CSMD1: variants seen among roughly 807,000 people sequenced by gnomAD.
The protein encoded by CSMD1 is CUB and Sushi multiple domains 1, also known as CUB and sushi domain-containing protein 1.
Under a neutral mutation model 417.5 loss-of-function variants are expected in CSMD1, and 213 were observed. The observed-to-expected ratio is 0.51, with a 90% CI of 0.46 to 0.57. The LOEUF (loss-of-function observed/expected upper bound fraction) is 0.57, where lower values mean the gene tolerates loss of function less well. Among genes scored for constraint, CSMD1 ranks in the 20% least tolerant of loss-of-function variants. The pLI is 0.00. For synonymous variants in CSMD1, 2,862 were observed against 1,736.8 expected (o/e 1.65, Z -16.11); for missense variants, 6,923 against 4,529.7 (o/e 1.53, Z -15.17).
intron 3 of CSMD1, among the ~76,000 whole-genome samples, chr8:4,360,704 AGGAT>A (rs1200876441): frequency 6.6e-6 from 1 of 152,062 alleles, no homozygotes; most frequent in Non-Finnish European, 1.5e-5. Context: ...CATCTTAGCC[AGGAT>A]GGTCTCCGAT....
intron 1 of CSMD1, among the ~76,000 whole-genome samples, chr8:4,983,569 C>T (rs1811011335): frequency 6.6e-6 from 1 of 152,120 alleles, no homozygotes; most frequent in Non-Finnish European, 1.5e-5. Context: ...GTCGCCCAGG[C>T]TGGAAGGCAG....
chr8:4,705,649 T>C (rs532774708), intron 1 of CSMD1, among the ~76,000 whole-genome samples: 5 of 152,374 alleles, frequency 3.3e-5, no homozygotes, highest in Non-Finnish European at 7.3e-5. Context: ...GAAGCTCTTC[T>C]TTCCGGCCCT....
chr8:4,574,122 G>T (rs1299575860), intron 2 of CSMD1, among the ~76,000 whole-genome samples: 4 of 152,112 alleles, frequency 2.6e-5, no homozygotes, highest in East Asian at 2.0e-4. Context: ...CCCTTTCCAG[G>T]GGAGTGAACA....
intron 5 of CSMD1, among the ~76,000 whole-genome samples, chr8:3,844,507 G>A (rs942510699): frequency 2.1e-4 from 32 of 152,206 alleles, no homozygotes; most frequent in Middle Eastern, 6.8e-3. Flanking sequence ...GTGACTAACC[G>A]TAACTTCATC....
chr8:3,241,054 T>A (rs1363741450), intron 26 of CSMD1, among the ~76,000 whole-genome samples: 1 of 148,544 alleles, frequency 6.7e-6, no homozygotes, highest in South Asian at 2.2e-4. Flanking sequence ...ATCTCATACT[T>A]GTGGGTTAAG....
intron 9 of CSMD1, among the ~76,000 whole-genome samples, chr8:3,579,048 A>T (rs1019984676): frequency 3.9e-5 from 6 of 152,248 alleles, no homozygotes; most frequent in Non-Finnish European, 1.5e-5. Flanking sequence ...ATGCTTGATA[A>T]AGGTACTTGG....
At chr8:4,527,761 A>G (rs924543739) in intron 2 of CSMD1, among the ~76,000 whole-genome samples, 7 of 152,196 alleles carry the variant, frequency 4.6e-5, no homozygotes, top group African/African-American at 1.7e-4. Flanking sequence ...ACACACTACA[A>G]TCGTAGCTAT....
At chr8:4,010,319 G>C (rs1389447837) in intron 4 of CSMD1, among the ~76,000 whole-genome samples, 2 of 152,150 alleles carry the variant, frequency 1.3e-5, no homozygotes, top group South Asian at 2.1e-4. Flanking sequence ...CTGCCTTGTA[G>C]TCATCTACAA....
At chr8:3,195,145 C>A (rs1045859503) in intron 33 of CSMD1, among the ~76,000 whole-genome samples, 2 of 152,012 alleles carry the variant, frequency 1.3e-5, no homozygotes, top group East Asian at 3.9e-4. Flanking sequence ...ATGAAAACAG[C>A]CAGGCATAAA....
At chr8:4,303,711 A>G (rs1050253388) in intron 3 of CSMD1, among the ~76,000 whole-genome samples, 3 of 151,860 alleles carry the variant, frequency 2.0e-5, no homozygotes, top group Non-Finnish European at 4.4e-5. Context: ...ACTGGAGCTC[A>G]CTGTCATTAT....
intron 26 of CSMD1, among the ~76,000 whole-genome samples, chr8:3,279,977 G>C (rs960019621): frequency 6.6e-6 from 1 of 152,170 alleles, no homozygotes; most frequent in East Asian, 1.9e-4. Context: ...TATCAGGAAG[G>C]TTACTTGGAA....
chr8:4,799,143 A>T (rs1165002996), intron 1 of CSMD1, among the ~76,000 whole-genome samples: 2 of 152,284 alleles, frequency 1.3e-5, no homozygotes, highest in South Asian at 4.1e-4. Flanking sequence ...AACTCAATAC[A>T]TGAGAGATGT....
chr8:3,498,868 T>C (rs942556752), intron 10 of CSMD1, among the ~76,000 whole-genome samples: 1 of 152,234 alleles, frequency 6.6e-6, no homozygotes, highest in Non-Finnish European at 1.5e-5. Context: ...AATATCTCTG[T>C]TGAATTTCTC....
intron 10 of CSMD1, among the ~76,000 whole-genome samples, chr8:3,533,137 G>C (rs1267758558): frequency 6.6e-6 from 1 of 152,096 alleles, no homozygotes. Context: ...ACTTATTTTT[G>C]CAGAGGAAGA....
intron 2 of CSMD1, among the ~76,000 whole-genome samples, chr8:4,540,187 C>T (rs1797310712): frequency 6.6e-6 from 1 of 152,110 alleles, no homozygotes; most frequent in Non-Finnish European, 1.5e-5. Flanking sequence ...TGAAGTTTGA[C>T]AGGAGGGGCT....
chr8:4,786,011 T>G (rs773562042), intron 1 of CSMD1, among the ~76,000 whole-genome samples: 8 of 152,188 alleles, frequency 5.3e-5, no homozygotes, highest in Non-Finnish European at 7.3e-5. Flanking sequence ...TACCCAGCAG[T>G]GGCTGGAGCT....
At chr8:4,205,828 A>G (rs1256018002) in intron 3 of CSMD1, among the ~76,000 whole-genome samples, 7 of 152,206 alleles carry the variant, frequency 4.6e-5, no homozygotes, top group African/African-American at 1.7e-4. Context: ...ATTCTCCCCC[A>G]TTAACATATG....
At chr8:4,036,493 A>G (rs1310167997) in intron 3 of CSMD1, among the ~76,000 whole-genome samples, 2 of 152,248 alleles carry the variant, frequency 1.3e-5, no homozygotes, top group Non-Finnish European at 2.9e-5. Context: ...GTAAACACCC[A>G]TCTCTTCAAA....
At chr8:3,863,366 A>C (rs1208451860) in intron 5 of CSMD1, among the ~76,000 whole-genome samples, 2 of 148,478 alleles carry the variant, frequency 1.3e-5, no homozygotes, top group Non-Finnish European at 3.0e-5. Context: ...ACTGCACTCT[A>C]GCCTAGGCTA....
Sources: allele counts gnomAD v4.1 joint callset (sites outside exome capture counted in the v4.1 genomes callset), GRCh38; gene constraint gnomAD v4.1.1; transcripts MANE v1.5; gene names NCBI Gene and HGNC (gene_info 2026-07-23, HGNC 2026-07-21).